MYBPC1: variants seen among roughly 807,000 people sequenced by gnomAD.
The protein encoded by MYBPC1 is myosin binding protein C1, also known as myosin-binding protein C, slow-type.
MYBPC1 carries 52 observed loss-of-function variants against 147.1 expected under a neutral mutation model. The observed-to-expected ratio is 0.35, with a 90% confidence interval of 0.28 to 0.45. The LOEUF is 0.45. Ranked by LOEUF, MYBPC1 falls within the 20% of genes least tolerant of loss-of-function variation. MYBPC1 has a pLI of 1.00. For synonymous variants in MYBPC1, 477 were observed against 475.9 expected, an observed-to-expected ratio of 1.00 and a Z score of -0.03; for missense variants, 1,228 against 1,440.3, an observed-to-expected ratio of 0.85 and a Z score of 2.39.
rs1429378507 is a variant in MYBPC1, at chr12:101,646,732, A to T, written c.966-31A>T. ...GAAAAGAATAAAATCACATTCACAG[A>T]CTCTGTTTATTTTCATCCTATTCAA... is the stretch of plus-strand genomic sequence containing the variant. On this transcript the variant is annotated intron_variant, in intron 12 of 31. Transcript: ENST00000361466. 2.5e-6 allele frequency: 4 copies of T among 1,610,348 alleles called. No individual in the cohort carries two copies. The South Asian group carries it at 4.4e-5, about 18-fold the overall frequency.
intron 6 of MYBPC1, 75 bp downstream of exon 6, chr12:101,629,619 TCCCAGCACTCTGG>T: frequency 2.1e-6 from 2 of 946,822 alleles, no homozygotes; most frequent in Non-Finnish European, 3.1e-6. Context: ...ACGCCTGTAA[TCCCAGCACTCTGG>T]GAGGTCCAGA....
intron 18 of MYBPC1, among the ~76,000 whole-genome samples, chr12:101,656,215 G>T (rs1003653184): frequency 3.3e-5 from 5 of 151,884 alleles, no homozygotes; most frequent in Admixed American, 2.6e-4. Context: ...ATAAAGGAGA[G>T]AAAATGAAAT....
intron 11 of MYBPC1, among the ~76,000 whole-genome samples, chr12:101,644,092 A>C (rs979099927): frequency 1.3e-5 from 2 of 152,148 alleles, no homozygotes; most frequent in African/African-American, 4.8e-5. Flanking sequence ...TGGAGTGTGC[A>C]GTGGCATGAT....
In MYBPC1 at chr12:101,631,594, A is replaced by G; in HGVS notation, c.313A>G (p.Lys105Glu). ...AGGTGAAGATATCACCTTCATAGCC[A>G]AAGTCAAGGCTGAAGATCTTCTGAG... ...KVGEDITFIA[K>E]VKAEDLLRKP... The change falls in exon 7 of 32, where the codon AAA becomes GAA. Residue 105 changes from lysine to glutamate, a missense_variant. By Grantham distance (56) the Lys-to-Glu change is moderately conservative. Around this residue, in one of 2 missense-constraint regions of MYBPC1, gnomAD observed 151 missense variants for 126.1 expected, o/e 1.20. Transcript: ENST00000361466. The G allele has an allele frequency of 6.2e-7, 1 of 1,614,114 alleles. No individual in the cohort carries two copies. Among genetic ancestry groups the G allele is most frequent in the Non-Finnish European group, 8.5e-7 (1 of 1,179,972 alleles).
chr12:101,674,335 A>T (rs1016387574), intron 25 of MYBPC1, among the ~76,000 whole-genome samples: 6 of 152,174 alleles, frequency 3.9e-5, no homozygotes, highest in Admixed American at 3.3e-4. Context: ...TTTGCTAATG[A>T]AGTTTTCATG....
intron 9 of MYBPC1, among the ~76,000 whole-genome samples, chr12:101,636,128 G>A (rs1036971585): frequency 2.0e-5 from 3 of 152,114 alleles, no homozygotes; most frequent in Admixed American, 1.3e-4. Context: ...AAATTTCTGT[G>A]TTAGCTCCTT....
chr12:101,666,696 G>A, intron 22 of MYBPC1: 1 of 1,463,686 alleles, frequency 6.8e-7, no homozygotes, highest in East Asian at 2.3e-5. Flanking sequence ...TATTATTCTG[G>A]TGTGAAAGTG....
intron 14 of MYBPC1, among the ~76,000 whole-genome samples, chr12:101,648,943 T>G (rs772704176): frequency 6.6e-6 from 1 of 152,324 alleles, no homozygotes; most frequent in East Asian, 1.9e-4. Flanking sequence ...TAAAATGCAT[T>G]AAATGATATT....
intron 18 of MYBPC1, among the ~76,000 whole-genome samples, chr12:101,655,812 T>C (rs924371795): frequency 2.0e-5 from 3 of 151,868 alleles, no homozygotes; most frequent in African/African-American, 4.8e-5. Flanking sequence ...AGGAAAATAA[T>C]ATAGGTCAGA....
At chr12:101,670,218 T>C in intron 23 of MYBPC1, 103 bp from the exon 24 acceptor site, 2 of 903,248 alleles carry the variant, frequency 2.2e-6, no homozygotes, top group Admixed American at 1.7e-5. Flanking sequence ...TGCAGAGATA[T>C]GCCACAAGGG....
intron 16 of MYBPC1, among the ~76,000 whole-genome samples, chr12:101,651,695 C>T (rs754111759): frequency 2.0e-5 from 3 of 152,184 alleles, no homozygotes; most frequent in African/African-American, 7.2e-5. Context: ...AATCCCAACA[C>T]TTTGGGACGC....
rs765784709 is a variant in MYBPC1, at chr12:101,675,272, A to C, written c.2810-20A>C. On this transcript the variant is annotated intron_variant, in intron 25 of 31. Transcript: ENST00000361466. ...GGAAAGAAAGTGACCTTGCAGTGAC[A>C]CCATGAATTCATCCTGTAGACCGTC... 9.9e-6 allele frequency: 16 copies of C among 1,613,920 alleles called. No individual in the cohort carries two copies. Among genetic ancestry groups the C allele is most frequent in the Non-Finnish European group, 1.3e-5 (15 of 1,179,874 alleles).
At chr12:101,631,820 G>GA (rs1889960352) in intron 7 of MYBPC1, 101 bp downstream of exon 7, 1 of 1,550,476 alleles carries the variant, frequency 6.4e-7, no homozygotes, top group Non-Finnish European at 8.9e-7. Context: ...TTCAGTTCCA[G>GA]AAAATCCTCT....
At position 101,649,238 on chromosome 12, in the gene MYBPC1, TTAA is replaced by T; in HGVS notation, c.1197-19_1197-17del. On this transcript the variant is annotated intron_variant, in intron 14 of 31. Coordinates refer to ENST00000361466, the MANE Select transcript of MYBPC1 (RefSeq NM_002465.4). ...CCTGAAGGATCTTTTACAAACCTTT[TTAA>T]TATTTTATCTTAATTCAGGTTTAAG... 2 of 1,605,348 alleles carry T rather than the reference TTAA, an allele frequency of 1.2e-6. No individual in the cohort carries two copies. The highest frequency in any genetic ancestry group is 1.7e-6 in the Non-Finnish European group (2 of 1,172,532).
chr12:101,669,417 T>G (rs941848944), intron 23 of MYBPC1, among the ~76,000 whole-genome samples: 2 of 152,208 alleles, frequency 1.3e-5, no homozygotes, highest in East Asian at 1.9e-4. Flanking sequence ...GTTTAATTAA[T>G]GAATATTAAT....
chr12:101,638,409 A>G (rs1411897593), intron 10 of MYBPC1, among the ~76,000 whole-genome samples: 1 of 152,248 alleles, frequency 6.6e-6, no homozygotes, highest in Non-Finnish European at 1.5e-5. Flanking sequence ...GACTTTGGTC[A>G]AATATTTGAC....
chr12:101,685,622 T>C lies in MYBPC1; in HGVS notation c.*60T>C. 1 of 1,534,924 alleles carries C rather than the reference T, an allele frequency of 6.5e-7. No homozygotes were observed. On this transcript the variant is annotated 3_prime_UTR_variant, in exon 32 of 32. Transcript: ENST00000361466. Reference sequence around the variant, plus strand: ...GCAGACTCCTCTTGCAAGGCGTACCTCCAAACATAATTGATTCGTATCTGC... The same window carrying C: ...GCAGACTCCTCTTGCAAGGCGTACCCCCAAACATAATTGATTCGTATCTGC...
At chr12:101,645,097 A>G (rs1565947684) in intron 12 of MYBPC1, among the ~76,000 whole-genome samples, 1 of 152,204 alleles carries the variant, frequency 6.6e-6, no homozygotes, top group Admixed American at 6.5e-5. Context: ...TCCCAATTTT[A>G]AAAAATAAAA....
intron 28 of MYBPC1, 50 bp downstream of exon 28, chr12:101,678,288 T>G (rs375149239): frequency 1.2e-5 from 19 of 1,603,336 alleles, no homozygotes; most frequent in East Asian, 2.2e-5. Context: ...TTGTATTTGT[T>G]GTGTTATAAT....
Sources: allele counts gnomAD v4.1 joint callset (sites outside exome capture counted in the v4.1 genomes callset), GRCh38; gene constraint gnomAD v4.1.1; regional missense constraint gnomAD v4.1.1; transcripts MANE v1.5; gene names NCBI Gene and HGNC (gene_info 2026-07-23, HGNC 2026-07-21).